HERC2: variants seen among roughly 807,000 people sequenced by gnomAD.
The protein encoded by HERC2 is HECT and RLD domain containing E3 ubiquitin protein ligase 2, also known as E3 ubiquitin-protein ligase HERC2.
A neutral mutation model predicts 537.7 loss-of-function variants in HERC2; 102 were observed. The observed-to-expected ratio is 0.19, with a 90% CI of 0.16 to 0.22. The LOEUF (loss-of-function observed/expected upper bound fraction) is 0.22. Among genes scored for constraint, HERC2 ranks in the 10% least tolerant of loss-of-function variants. HERC2 has a pLI of 1.00. For synonymous variants in HERC2, 2,224 were observed against 2,466.2 expected (o/e 0.90, Z 2.91); for missense variants, 4,236 against 6,198.2 (o/e 0.68, Z 10.63).
chr15:28,303,791 G>C (rs550329386), intron 2 of HERC2, among the ~76,000 whole-genome samples: 1 of 152,010 alleles, frequency 6.6e-6, no homozygotes. Flanking sequence ...TTATTCCTAC[G>C]TATTTTACTT....
chr15:28,209,549 T>C (rs1220195313), intron 44 of HERC2, among the ~76,000 whole-genome samples: 3 of 152,276 alleles, frequency 2.0e-5, no homozygotes, highest in Non-Finnish European at 2.9e-5. Context: ...TTCACCGTGT[T>C]AGCCAGGATG....
chr15:28,243,737 T>C (rs1381653066), intron 23 of HERC2, among the ~76,000 whole-genome samples: 1 of 152,176 alleles, frequency 6.6e-6, no homozygotes, highest in Non-Finnish European at 1.5e-5. Flanking sequence ...TGCTAGGTCT[T>C]GGCATGGAAG....
At chr15:28,291,033 C>T (rs139145104) in intron 4 of HERC2, among the ~76,000 whole-genome samples, 1 of 152,106 alleles carries the variant, frequency 6.6e-6, no homozygotes, top group Non-Finnish European at 1.5e-5. Context: ...TTTGAAAAAA[C>T]TCAAATTGAT....
intron 71 of HERC2, among the ~76,000 whole-genome samples, chr15:28,145,760 T>C (rs1277304423): frequency 1.3e-5 from 2 of 152,138 alleles, no homozygotes; most frequent in Admixed American, 6.5e-5. Context: ...AAAGACCATT[T>C]CACAAGCACC....
Position 28,191,944 on chromosome 15 carries a change from G to A in HERC2, c.8451+17C>T. ...TCGGTGTGAAAGTGCCCGCTGCTGT[G>A]CCCTATTAGATGCTACCTTTCCTTG... On this transcript the variant is annotated intron_variant, in intron 53 of 92. Coordinates refer to ENST00000261609, the MANE Select transcript of HERC2 (RefSeq NM_004667.6). 6.2e-7 allele frequency: 1 copy of A among 1,606,550 alleles called. No homozygotes were observed. The highest frequency in any genetic ancestry group is 2.2e-5 in the East Asian group (1 of 44,732).
chr15:28,238,470 A>T, intron 24 of HERC2, 132 bp downstream of exon 24: 1 of 749,262 alleles, frequency 1.3e-6, no homozygotes, highest in Non-Finnish European at 2.2e-6. Context: ...TAAGACAGAC[A>T]TCGAAGCCAC....
At chr15:28,293,424 C>A (rs2076374423) in intron 3 of HERC2, among the ~76,000 whole-genome samples, 1 of 145,554 alleles carries the variant, frequency 6.9e-6, no homozygotes, top group Non-Finnish European at 1.5e-5. Context: ...ACCCGGGAGG[C>A]AGAGCTTGCA....
At position 28,113,125 on chromosome 15, in the gene HERC2, C is replaced by A. The variant is rs1365109112; in HGVS notation, c.14178G>T (p.Arg4726=). The change falls in exon 92 of 93, where the codon CGG becomes CGT. Residue 4726 remains arginine, a synonymous_variant. Coordinates refer to ENST00000261609, the MANE Select transcript of HERC2 (RefSeq NM_004667.6). This position sits in a 1 kb window ranked among gnomAD's most constrained non-coding sequence, Gnocchi z 7.0. ...CGGCGATGGTCCTGGGCAGCCTCGT[C>A]CGGCCCCAGACGAAGCGAAGGAAAA... is the stretch of plus-strand genomic sequence containing the variant. The part of the protein sequence containing the change: ...RSLFLRFVWG[R]TRLPRTIADF... 1 of 1,613,952 alleles carries A rather than the reference C, an allele frequency of 6.2e-7. No individual in the cohort carries two copies. The highest frequency in any genetic ancestry group is 8.5e-7 in the Non-Finnish European group (1 of 1,180,042).
intron 86 of HERC2, chr15:28,118,018 A>G: frequency 1.0e-5 from 2 of 196,620 alleles, no homozygotes; most frequent in South Asian, 1.9e-4. Flanking sequence ...TAGCTCACTT[A>G]AAGTTGAGTT....
At chr15:28,194,525 A>G (rs1325747508) in intron 52 of HERC2, among the ~76,000 whole-genome samples, 2 of 150,924 alleles carry the variant, frequency 1.3e-5, no homozygotes, top group Non-Finnish European at 3.0e-5. Context: ...AGCCAAGATC[A>G]CGCGCCACTG....
chr15:28,178,797 A>G, intron 59 of HERC2, 90 bp downstream of exon 59: 2 of 1,349,474 alleles, frequency 1.5e-6, no homozygotes, highest in Non-Finnish European at 2.0e-6. Context: ...AACTTAAGAA[A>G]GAATGTAAGG....
Position 28,130,491 on chromosome 15 carries a change from A to T in HERC2, c.12662+12T>A. The T allele has an allele frequency of 6.2e-7, 1 of 1,611,870 alleles. No homozygotes were observed. Among genetic ancestry groups the T allele is most frequent in the Non-Finnish European group, 8.5e-7 (1 of 1,177,964 alleles). ...GGTTTTAGTGGGTTTAAACAAACAGAATCTTGCGTACCAGGTATAAACAGC... is the reference window on the plus strand; with the variant it reads ...GGTTTTAGTGGGTTTAAACAAACAGTATCTTGCGTACCAGGTATAAACAGC... On this transcript the variant is annotated intron_variant, in intron 82 of 92. Transcript: ENST00000261609.
rs9707873 is a variant in HERC2, at chr15:28,305,767, G to A, written c.73-6251C>T. Among the ~76,000 whole-genome samples the A allele has an allele frequency of 3.3e-3, 467 of 142,892 alleles. 2 individuals carry two copies. The highest frequency in any genetic ancestry group is 0.011 in the African/African-American group (431 of 38,630). The allele number at this position is 142,892 out of a possible 152,430, so 93.7% of individuals were successfully genotyped here. ...ACCTACAACATGGGAGAAAATTTTC[G>A]CAACCTACTCATCTGACAAAGGGCT... On this transcript the variant is annotated intron_variant, in intron 2 of 92. Transcript: ENST00000261609.
At position 28,299,443 on chromosome 15, in the gene HERC2, C is replaced by A; in HGVS notation, c.146G>T (p.Gly49Val). Residue 49 changes from glycine to valine, a missense_variant, in exon 3 of 93, where the codon GGA becomes GTA. By Grantham distance (109) the Gly-to-Val change is moderately radical (BLOSUM62 -3). Coordinates refer to ENST00000261609, the MANE Select transcript of HERC2 (RefSeq NM_004667.6). ...CTCTCCGTTCTGGGTTGATTCTGTT[C>A]CAGTGTATACAATTTCTCCATCTTT... Reference protein sequence around the residue: ...MVKDGEIVYTGTESTQNGELP... With the variant: ...MVKDGEIVYTVTESTQNGELP... The A allele has an allele frequency of 1.9e-6, 3 of 1,598,150 alleles. No individual in the cohort carries two copies. The highest frequency in any genetic ancestry group is 2.6e-6 in the Non-Finnish European group (3 of 1,165,736).
intron 16 of HERC2, 90 bp from the exon 17 acceptor site, chr15:28,257,351 C>T (rs1233442348): frequency 1.9e-6 from 2 of 1,046,662 alleles, no homozygotes; most frequent in South Asian, 1.5e-5. Context: ...GATGGAGCTG[C>T]CTTATACTAT....
At chr15:28,274,612 T>G (rs941928115) in intron 6 of HERC2, among the ~76,000 whole-genome samples, 165 bp from the exon 7 acceptor site, 3 of 152,210 alleles carry the variant, frequency 2.0e-5, no homozygotes, top group African/African-American at 7.2e-5. Context: ...TTCACGGCTG[T>G]CACATGAGCA....
At chr15:28,146,180 T>C in intron 71 of HERC2, 57 bp downstream of exon 71, 1 of 1,155,682 alleles carries the variant, frequency 8.7e-7, no homozygotes, top group Non-Finnish European at 1.3e-6. Context: ...TGTGAAGGGT[T>C]GTGTCTACGG....
intron 66 of HERC2, among the ~76,000 whole-genome samples, chr15:28,168,994 CTG>C (rs1435417300): frequency 6.6e-6 from 1 of 152,222 alleles, no homozygotes; most frequent in Non-Finnish European, 1.5e-5. Flanking sequence ...TACTGAATGA[CTG>C]TTTTTGTTCT....
At position 28,177,106 on chromosome 15, in the gene HERC2, C is replaced by A; in HGVS notation, c.9276G>T (p.Leu3092=). ...FSRMNCDKPR[L]IEALKTKRIR... ...TACGCTTGGTTTTCAGGGCCTCGAT[C>A]AGCCTTGGTTTGTCACAGTTCCTAC... is the stretch of plus-strand genomic sequence containing the variant. The change falls in exon 61 of 93, where the codon CTG becomes CTT. Residue 3092 remains leucine, a synonymous_variant. Transcript: ENST00000261609. This position sits in a 1 kb window ranked among gnomAD's most constrained non-coding sequence, Gnocchi z 5.0. 1 of 1,613,348 alleles carries A rather than the reference C, an allele frequency of 6.2e-7. No homozygotes were observed. The highest frequency in any genetic ancestry group is 8.5e-7 in the Non-Finnish European group (1 of 1,179,446).
Sources: gnomAD v4.1 joint callset for allele counts (sites outside exome capture counted in the v4.1 genomes callset) on GRCh38, gnomAD v4.1.1 for gene constraint, Gnocchi (gnomAD v3.1) non-coding constraint, MANE v1.5 for transcripts, NCBI Gene and HGNC (gene_info 2026-07-23, HGNC 2026-07-21) for gene names.